Variants in GRID1 observed in about 807,000 individuals in gnomAD.
GRID1 encodes glutamate receptor ionotropic, delta-1.
In GRID1, 28 loss-of-function variants were observed where a neutral mutation model predicts 98.0. The ratio of observed to expected loss-of-function variants is 0.29; its 90% confidence interval spans 0.21 to 0.39. GRID1 has a LOEUF of 0.39. Ranked by LOEUF, GRID1 falls within the 10% of genes least tolerant of loss-of-function variation. The probability of loss-of-function intolerance (pLI) is 1.00; values close to 1 mark genes in which losing one functional copy is unlikely to be tolerated. For synonymous variants in GRID1, 553 were observed against 538.5 expected (o/e 1.03, Z -0.37); for missense variants, 1,111 against 1,340.5 (o/e 0.83, Z 2.67).
At chr10:85,611,582 G>A (rs1842733373) in intron 15 of GRID1, among the ~76,000 whole-genome samples, 1 of 152,180 alleles carries the variant, frequency 6.6e-6, no homozygotes, top group Non-Finnish European at 1.5e-5. Flanking sequence ...CACGGAGCGG[G>A]TGCAACGTGT....
intron 12 of GRID1, among the ~76,000 whole-genome samples, chr10:85,693,426 C>G (rs1841355383): frequency 6.6e-6 from 1 of 151,944 alleles, no homozygotes; most frequent in African/African-American, 2.4e-5. Flanking sequence ...ATAGAACATA[C>G]AGCACAAAAA....
intron 2 of GRID1, among the ~76,000 whole-genome samples, chr10:86,254,318 C>G (rs1200408740): frequency 1.3e-5 from 2 of 152,066 alleles, no homozygotes; most frequent in Non-Finnish European, 2.9e-5. Flanking sequence ...CAGAATTTCC[C>G]ACATCATCTT....
chr10:86,168,792 A>C (rs1384214320), intron 3 of GRID1, among the ~76,000 whole-genome samples: 3 of 152,118 alleles, frequency 2.0e-5, no homozygotes, highest in Non-Finnish European at 4.4e-5. Context: ...TAACTCACCC[A>C]CTTACCCTGG....
chr10:85,936,217 C>T (rs961902925), intron 4 of GRID1, among the ~76,000 whole-genome samples: 2 of 152,230 alleles, frequency 1.3e-5, no homozygotes, highest in African/African-American at 2.4e-5. Context: ...GCTAGAAAGA[C>T]AGCCTAAGAA....
intron 12 of GRID1, among the ~76,000 whole-genome samples, chr10:85,652,861 T>G (rs147251528): frequency 2.6e-5 from 4 of 152,198 alleles, no homozygotes; most frequent in African/African-American, 9.6e-5. Flanking sequence ...TTCCTGTGCA[T>G]CTGTCTGCAT....
chr10:86,163,897 T>C (rs986597401), intron 3 of GRID1, among the ~76,000 whole-genome samples: 1 of 151,994 alleles, frequency 6.6e-6, no homozygotes, highest in Non-Finnish European at 1.5e-5. Flanking sequence ...CCCCCGCTGG[T>C]ATGTGGTCGC....
intron 4 of GRID1, among the ~76,000 whole-genome samples, chr10:86,063,834 G>A (rs1229954600): frequency 2.0e-5 from 3 of 152,146 alleles, no homozygotes; most frequent in African/African-American, 7.2e-5. Context: ...TATAAATAAA[G>A]TTTTATTAAA....
intron 3 of GRID1, among the ~76,000 whole-genome samples, chr10:86,174,506 G>T (rs576858959): frequency 5.3e-5 from 8 of 151,788 alleles, no homozygotes; most frequent in Non-Finnish European, 7.4e-5. Flanking sequence ...ATGGATTAAA[G>T]ACTTAAACAT....
chr10:85,613,705 G>A, intron 14 of GRID1, 58 bp from the exon 15 acceptor site: 9 of 1,569,380 alleles, frequency 5.7e-6, no homozygotes, highest in Non-Finnish European at 7.8e-6. Context: ...CAGCCACCGG[G>A]GCCCTGGCCC....
At chr10:85,818,701 A>G (rs889034444) in intron 8 of GRID1, among the ~76,000 whole-genome samples, 2 of 151,186 alleles carry the variant, frequency 1.3e-5, no homozygotes, top group Non-Finnish European at 1.5e-5. Context: ...CAGTAACCAA[A>G]GCCAGAAAAA....
intron 15 of GRID1, among the ~76,000 whole-genome samples, chr10:85,604,479 C>T (rs1040230023): frequency 6.6e-6 from 1 of 152,102 alleles, no homozygotes; most frequent in African/African-American, 2.4e-5. Flanking sequence ...TGATCTGAAG[C>T]CCACCCACAC....
At chr10:85,873,465 G>C (rs190655130) in intron 5 of GRID1, among the ~76,000 whole-genome samples, 12 of 152,262 alleles carry the variant, frequency 7.9e-5, no homozygotes, top group Admixed American at 7.9e-4. Context: ...TACTTTTTAA[G>C]TTTATATTGT....
At chr10:85,639,966 C>T (rs549349224) in intron 13 of GRID1, among the ~76,000 whole-genome samples, 15 of 152,176 alleles carry the variant, frequency 9.9e-5, no homozygotes, top group South Asian at 2.1e-4. Flanking sequence ...GTGCTACAAT[C>T]GACACTGGAT....
intron 4 of GRID1, among the ~76,000 whole-genome samples, chr10:86,032,147 T>A (rs1353390913): frequency 6.6e-6 from 1 of 152,222 alleles, no homozygotes; most frequent in Non-Finnish European, 1.5e-5. Flanking sequence ...CTTGTGGCCA[T>A]CTCTCTCTGA....
chr10:85,994,693 G>C (rs1842720832), intron 4 of GRID1, among the ~76,000 whole-genome samples: 1 of 152,210 alleles, frequency 6.6e-6, no homozygotes, highest in Admixed American at 6.5e-5. Context: ...GGGTCCCCCA[G>C]CTGGTCGCCT....
intron 5 of GRID1, among the ~76,000 whole-genome samples, chr10:85,897,487 G>A (rs1327775398): frequency 9.2e-5 from 14 of 152,178 alleles, no homozygotes; most frequent in Admixed American, 9.2e-4. Context: ...GGCCCCTCAG[G>A]AAGGCTTGGC....
intron 2 of GRID1, among the ~76,000 whole-genome samples, chr10:86,265,378 C>G (rs1847088266): frequency 1.3e-5 from 2 of 152,242 alleles, no homozygotes; most frequent in Admixed American, 1.3e-4. Context: ...CCCTGATAAC[C>G]TGTGCCAGGC....
At chr10:85,845,089 A>C (rs1842993966) in intron 8 of GRID1, among the ~76,000 whole-genome samples, 1 of 151,954 alleles carries the variant, frequency 6.6e-6, no homozygotes, top group African/African-American at 2.4e-5. Context: ...GACCCTAACT[A>C]ATGCAACAAG....
chr10:85,825,880 T>C (rs1842814990), intron 8 of GRID1, among the ~76,000 whole-genome samples: 2 of 152,082 alleles, frequency 1.3e-5, no homozygotes, highest in Admixed American at 1.3e-4. Flanking sequence ...TATATATAAA[T>C]TTAAGTTATG....
Sources: gnomAD v4.1 joint callset for allele counts (sites outside exome capture counted in the v4.1 genomes callset) on GRCh38, gnomAD v4.1.1 for gene constraint, MANE v1.5 for transcripts, NCBI Gene and HGNC (gene_info 2026-07-23, HGNC 2026-07-21) for gene names.